SUPT3H: variants seen among roughly 807,000 people sequenced by gnomAD.
SUPT3H encodes the protein transcription initiation protein SPT3 homolog.
SUPT3H carries 44 observed loss-of-function variants against 44.3 expected under a neutral mutation model. The ratio of observed to expected loss-of-function variants is 0.99; its 90% CI spans 0.78 to 1.28. SUPT3H has a LOEUF of 1.28. SUPT3H is among the 50% of genes most tolerant of loss of function. The pLI is 0.00. For missense variants in SUPT3H, 380 were observed against 387.1 expected (o/e 0.98, Z 0.15); for synonymous variants, 124 against 125.6 (o/e 0.99, Z 0.09).
At position 44,932,574 on chromosome 6, in the gene SUPT3H, GCTT is replaced by G. The variant is rs1451657867; in HGVS notation, c.912+76_912+78del. The G allele has an allele frequency of 4.0e-6, 4 of 992,076 alleles. No homozygotes were observed. The Admixed American group carries it at 8.8e-5, about 22-fold the overall frequency. 61.5% of individuals were successfully genotyped at this position (992,076 alleles called of 1,614,324 possible). A position where few individuals can be genotyped will look rare whatever the true frequency, so the allele number is the denominator to read the frequency against. On this transcript the variant is annotated intron_variant, in intron 10 of 10. Coordinates refer to ENST00000371459, the MANE Select transcript of SUPT3H (RefSeq NM_003599.4). ...ACAAATTGCTTTCAACAATTCCATT[GCTT>G]CTTCATTTGACCACTTGAAAATCAA... is the stretch of plus-strand genomic sequence containing the variant.
chr6:44,891,418 A>G (rs1231058987), intron 10 of SUPT3H, among the ~76,000 whole-genome samples: 1 of 152,206 alleles, frequency 6.6e-6, no homozygotes, highest in Non-Finnish European at 1.5e-5. Flanking sequence ...TTATTCAACC[A>G]TAAAAGGGAA....
At chr6:45,193,190 C>G (rs1480849610) in intron 2 of SUPT3H, among the ~76,000 whole-genome samples, 1 of 152,032 alleles carries the variant, frequency 6.6e-6, no homozygotes. Flanking sequence ...ACTCTCGATT[C>G]AGAATAACAC....
At chr6:45,047,164 T>C (rs1789532735) in intron 3 of SUPT3H, among the ~76,000 whole-genome samples, 1 of 152,236 alleles carries the variant, frequency 6.6e-6, no homozygotes, top group Non-Finnish European at 1.5e-5. Context: ...TCAGTTTTAC[T>C]TTTTTCTTTT....
At chr6:44,847,643 A>C (rs1772103866) in intron 10 of SUPT3H, among the ~76,000 whole-genome samples, 1 of 152,106 alleles carries the variant, frequency 6.6e-6, no homozygotes, top group Non-Finnish European at 1.5e-5. Flanking sequence ...ATGTGCCACC[A>C]TGCCCAGCTA....
At position 44,827,339 on chromosome 6, in the gene SUPT3H, T is replaced by C. The variant is rs1431714976; in HGVS notation, c.*2477A>G. 6.6e-6 allele frequency among the ~76,000 whole-genome samples: 1 copy of C among 152,266 alleles called. No individual in the cohort carries two copies. Among genetic ancestry groups the C allele is most frequent in the African/African-American group, 2.4e-5 (1 of 41,582 alleles). On this transcript the variant is annotated 3_prime_UTR_variant, in exon 11 of 11. Coordinates refer to ENST00000371459, the MANE Select transcript of SUPT3H (RefSeq NM_003599.4). The stretch of plus-strand genomic sequence containing the variant: ...TTTACATCGTTGTCTAGGATAAATA[T>C]GCCATAAAACCCCAACATGTCTTAG...
chr6:44,959,653 ACTCT>A (rs1775721071), intron 7 of SUPT3H, among the ~76,000 whole-genome samples: 1 of 152,016 alleles, frequency 6.6e-6, no homozygotes, highest in African/African-American at 2.4e-5. Flanking sequence ...AAGAGAAATA[ACTCT>A]CTGACTTATA....
intron 5 of SUPT3H, 77 bp downstream of exon 5, chr6:45,014,724 T>C: frequency 1.0e-6 from 1 of 975,250 alleles, no homozygotes; most frequent in South Asian, 2.3e-5. Flanking sequence ...CCAGTTACAT[T>C]GGAATTGCAT....
At chr6:45,191,633 ACT>A (rs1815155433) in intron 2 of SUPT3H, among the ~76,000 whole-genome samples, 2 of 152,040 alleles carry the variant, frequency 1.3e-5, no homozygotes, top group East Asian at 3.9e-4. Flanking sequence ...GCAGGTAGGA[ACT>A]CTGTACTTTC....
At chr6:45,306,546 A>C (rs1224293968) in intron 2 of SUPT3H, among the ~76,000 whole-genome samples, 1 of 152,180 alleles carries the variant, frequency 6.6e-6, no homozygotes, top group Non-Finnish European at 1.5e-5. Context: ...ACTAGCCCAA[A>C]AAGTCTGCAA....
At chr6:45,358,118 G>A (rs772131941) in intron 2 of SUPT3H, among the ~76,000 whole-genome samples, 2 of 152,036 alleles carry the variant, frequency 1.3e-5, no homozygotes, top group African/African-American at 2.4e-5. Context: ...ATCAATGACC[G>A]TGTTAAAATC....
At chr6:45,176,691 G>C (rs1205322305) in intron 2 of SUPT3H, among the ~76,000 whole-genome samples, 1 of 151,154 alleles carries the variant, frequency 6.6e-6, no homozygotes, top group Admixed American at 6.6e-5. Context: ...CAGCTTTGAA[G>C]AGAGCAGTGG....
chr6:44,889,734 A>G (rs1443841304), intron 10 of SUPT3H, among the ~76,000 whole-genome samples: 1 of 152,184 alleles, frequency 6.6e-6, no homozygotes, highest in African/African-American at 2.4e-5. Context: ...ACCAAAAGCA[A>G]TGGCAACCAA....
At chr6:44,862,677 C>CAAAAA (rs3997535) in intron 10 of SUPT3H, among the ~76,000 whole-genome samples, 1 of 138,692 alleles carries the variant, frequency 7.2e-6, no homozygotes, top group Non-Finnish European at 1.5e-5. Context: ...AACTCTGTAT[C>CAAAAA]AAAAAAAAAA....
At chr6:45,267,650 A>T (rs1775471765) in intron 2 of SUPT3H, among the ~76,000 whole-genome samples, 1 of 152,200 alleles carries the variant, frequency 6.6e-6, no homozygotes, top group Admixed American at 6.5e-5. Flanking sequence ...CACCATCTAC[A>T]TCCAATATAT....
chr6:45,200,456 T>A lies in SUPT3H; in HGVS notation c.102-94450A>T, dbSNP rs186809714. ...GTATATCCCATTTTGATGCACATTT[T>A]AAAAATATTAACAAACTTAACAAGA... is the stretch of plus-strand genomic sequence containing the variant. On this transcript the variant is annotated intron_variant, in intron 2 of 10. Coordinates refer to ENST00000371459, the MANE Select transcript of SUPT3H (RefSeq NM_003599.4). Among the ~76,000 whole-genome samples, 1,045 of 151,668 alleles carry A rather than the reference T, an allele frequency of 6.9e-3. 9 individuals are homozygous for A. Among genetic ancestry groups the A allele is most frequent in the Non-Finnish European group, 0.01 (677 of 67,504 alleles).
chr6:45,203,287 A>G (rs540413718), intron 2 of SUPT3H, among the ~76,000 whole-genome samples: 2 of 152,006 alleles, frequency 1.3e-5, no homozygotes, highest in South Asian at 4.2e-4. Context: ...CATTTACCCA[A>G]CTGTTCAGGT....
intron 10 of SUPT3H, among the ~76,000 whole-genome samples, chr6:44,887,315 AT>A (rs570954489): frequency 2.4e-4 from 36 of 152,190 alleles, no homozygotes; most frequent in African/African-American, 8.4e-4. Flanking sequence ...CAGAATATAC[AT>A]TTTTTTCAGC....
At chr6:44,878,787 G>C (rs2153433720) in intron 10 of SUPT3H, among the ~76,000 whole-genome samples, 1 of 152,242 alleles carries the variant, frequency 6.6e-6, no homozygotes, top group East Asian at 1.9e-4. Context: ...AGCCGAAGCA[G>C]GGTGGGGCGT....
At chr6:45,172,826 G>A (rs1209312817) in intron 2 of SUPT3H, among the ~76,000 whole-genome samples, 2 of 151,646 alleles carry the variant, frequency 1.3e-5, no homozygotes, top group East Asian at 2.0e-4. Flanking sequence ...TCCTGACCTC[G>A]TGATCCGCCC....
Sources: allele counts gnomAD v4.1 joint callset (sites outside exome capture counted in the v4.1 genomes callset), GRCh38; gene constraint gnomAD v4.1.1; transcripts MANE v1.5; gene names NCBI Gene and HGNC (gene_info 2026-07-23, HGNC 2026-07-21).